Variants in HOXB2 observed in about 807,000 individuals in gnomAD.
The protein encoded by HOXB2 is homeobox protein Hox-B2.
In HOXB2, 14 loss-of-function variants were observed where a neutral mutation model predicts 13.1. The observed-to-expected ratio is 1.07, with a 90% CI of 0.71 to 1.67. HOXB2 has a LOEUF of 1.67. HOXB2 is among the 40% of genes most tolerant of loss of function. The probability of loss-of-function intolerance (pLI) is 0.00; values close to 1 mark genes in which losing one functional copy is unlikely to be tolerated. For missense variants in HOXB2, 582 were observed against 488.3 expected (o/e 1.19, Z -1.81); for synonymous variants, 261 against 233.1 (o/e 1.12, Z -1.09).
chr17:48,543,350 T>C lies in HOXB2; in HGVS notation c.789A>G (p.Leu263=). 6.3e-7 allele frequency: 1 copy of C among 1,596,646 alleles called. No homozygotes were observed. The highest frequency in any genetic ancestry group is 8.5e-7 in the Non-Finnish European group (1 of 1,175,542). ...PGALSADPRP[L]AVRLEGAGAS... ...CGCCTGCGCCCTCTAAGCGAACGGCTAAAGGCCGGGGGTCCGCGCTTAAGG... is the reference window on the plus strand; with the variant it reads ...CGCCTGCGCCCTCTAAGCGAACGGCCAAAGGCCGGGGGTCCGCGCTTAAGG... The change falls in exon 2 of 2, where the codon TTA becomes TTG. Residue 263 remains leucine, a synonymous_variant. Coordinates refer to ENST00000330070, the MANE Select transcript of HOXB2 (RefSeq NM_002145.4).
chr17:48,542,993 G>A lies in HOXB2; in HGVS notation c.*75C>T. On this transcript the variant is annotated 3_prime_UTR_variant, in exon 2 of 2. Coordinates refer to ENST00000330070, the MANE Select transcript of HOXB2 (RefSeq NM_002145.4). The stretch of plus-strand genomic sequence containing the variant: ...AAACACATAAGTCTATGCGACTGAG[G>A]GTGGGAGAGGCTCGATTTTTCCAGT... 8.4e-7 allele frequency: 1 copy of A among 1,196,324 alleles called. No homozygotes were observed. Among genetic ancestry groups the A allele is most frequent in the Non-Finnish European group, 1.2e-6 (1 of 847,612 alleles). 74.1% of individuals were successfully genotyped at this position (1,196,324 alleles called of 1,614,324 possible).
In HOXB2 at chr17:48,543,245, G is replaced by A; in HGVS notation, c.894C>T (p.Arg298=). 6.2e-7 allele frequency: 1 copy of A among 1,611,852 alleles called. No individual in the cohort carries two copies. The highest frequency in any genetic ancestry group is 1.7e-5 in the Admixed American group (1 of 59,994). ...GGTCGGGAAGGAAAGGTGAATCCTGGCGCCCCGAGAAGACGTCTTCTGGCA... is the reference window on the plus strand; with the variant it reads ...GGTCGGGAAGGAAAGGTGAATCCTGACGCCCCGAGAAGACGTCTTCTGGCA... ...GPLPEDVFSG[R]QDSPFLPDLN... is the part of the protein sequence containing the mutation. Residue 298 remains arginine (R), a synonymous_variant, in exon 2 of 2, where the codon CGC becomes CGT. Coordinates refer to ENST00000330070, the MANE Select transcript of HOXB2 (RefSeq NM_002145.4).
Position 48,543,384 on chromosome 17 carries a change from A to G in HOXB2, c.755T>C (p.Val252Ala). 6.3e-7 allele frequency: 1 copy of G among 1,586,552 alleles called. No individual in the cohort carries two copies. Among genetic ancestry groups the G allele is most frequent in the Non-Finnish European group, 8.5e-7 (1 of 1,169,910 alleles). ...GGGGTCCGCGCTTAAGGCCCCCGGC[A>G]CCACCTCCGGCGGGTGACAGCAGGC... The part of the protein sequence containing the change: ...WEACCHPPEV[V>A]PGALSADPRP... The change falls in exon 2 of 2, where the codon GTG becomes GCG. Residue 252 changes from valine to alanine, a missense_variant. Physicochemically the swap from Val to Ala is moderately conservative, Grantham distance 64 (BLOSUM62 0). Transcript: ENST00000330070.
intron 1 of HOXB2, 68 bp downstream of exon 1, chr17:48,544,453 C>A: frequency 1.3e-6 from 2 of 1,488,754 alleles, no homozygotes; most frequent in Admixed American, 2.5e-5. Flanking sequence ...TTTTTTAAAC[C>A]TCCTTCCACT....
chr17:48,544,939 C>A lies in HOXB2; in HGVS notation c.-28G>T. 3 of 414,280 alleles carry A rather than the reference C, an allele frequency of 7.2e-6. No individual in the cohort carries two copies. Among genetic ancestry groups the A allele is most frequent in the African/African-American group, 3.4e-5 (1 of 29,686 alleles). 25.7% of individuals were successfully genotyped at this position (414,280 alleles called of 1,614,324 possible). On this transcript the variant is annotated 5_prime_UTR_variant, in exon 1 of 2. Coordinates refer to ENST00000330070, the MANE Select transcript of HOXB2 (RefSeq NM_002145.4). ...CTTTCAATGGTGGGGGAGGGGGCTG[C>A]TGGGGGGGGCGTCAGGAGGGAGGAT...
At chr17:48,543,855 A>AGGG in intron 1 of HOXB2, 108 bp from the exon 2 acceptor site, 1 of 604,986 alleles carries the variant, frequency 1.7e-6, no homozygotes, top group Non-Finnish European at 2.6e-6. Context: ...CTTCCTCGCC[A>AGGG]CCCCACCCCC....
At chr17:48,543,930 A>G in intron 1 of HOXB2, 183 bp from the exon 2 acceptor site, 1 of 1,371,856 alleles carries the variant, frequency 7.3e-7, no homozygotes, top group Non-Finnish European at 9.3e-7. Flanking sequence ...TCTAGTCTAC[A>G]GCCCCGGCCC....
Position 48,543,314 on chromosome 17 carries a change from G to A in HOXB2, c.825C>T (p.Pro275=). ...VRLEGAGASS[P]GCALRGAGGL... ...CGCCGGCCCCGCGCAGCGCGCAGCCGGGACTCGACGCGCCTGCGCCCTCTA... is the reference window on the plus strand; with the variant it reads ...CGCCGGCCCCGCGCAGCGCGCAGCCAGGACTCGACGCGCCTGCGCCCTCTA... The change falls in exon 2 of 2, where the codon CCC becomes CCT. Residue 275 remains proline (P), a synonymous_variant. Coordinates refer to ENST00000330070, the MANE Select transcript of HOXB2 (RefSeq NM_002145.4). The A allele has an allele frequency of 6.2e-7, 1 of 1,600,530 alleles. No individual in the cohort carries two copies. The highest frequency in any genetic ancestry group is 8.5e-7 in the Non-Finnish European group (1 of 1,177,404).
chr17:48,543,711 G>C lies in HOXB2; in HGVS notation c.428C>G (p.Ala143Gly). The change falls in exon 2 of 2, where the codon GCG becomes GGG. Residue 143 changes from alanine (A) to glycine (G), a missense_variant. Ala to Gly is a moderately conservative substitution (Grantham distance 60, BLOSUM62 0). Coordinates refer to ENST00000330070, the MANE Select transcript of HOXB2 (RefSeq NM_002145.4). ...LGLPEAGGGG[A>G]RRLRTAYTNT... ...GGTGTAAGCCGTGCGCAGCCTGCGCGCCCCGCCGCCACCAGCCTCCGGCAG... is the reference window on the plus strand; with the variant it reads ...GGTGTAAGCCGTGCGCAGCCTGCGCCCCCCGCCGCCACCAGCCTCCGGCAG... 6.2e-7 allele frequency: 1 copy of C among 1,607,918 alleles called. No individual in the cohort carries two copies.
intron 1 of HOXB2, 39 bp from the exon 2 acceptor site, chr17:48,543,786 TA>T: frequency 6.5e-7 from 1 of 1,549,442 alleles, no homozygotes; most frequent in Non-Finnish European, 8.7e-7. Flanking sequence ...GCGGGCCGTG[TA>T]CTCAGCCCAA....
intron 1 of HOXB2, chr17:48,544,118 C>T (rs1043403922): frequency 1.1e-4 from 106 of 985,342 alleles, no homozygotes; most frequent in South Asian, 1.9e-4. Flanking sequence ...CCCTCTTCCT[C>T]CCTAGCTCTG....
chr17:48,544,646 G>C lies in HOXB2; in HGVS notation c.266C>G (p.Ala89Gly), dbSNP rs771203953. 2 of 1,612,002 alleles carry C rather than the reference G, an allele frequency of 1.2e-6. No individual in the cohort carries two copies. The highest frequency in any genetic ancestry group is 1.3e-5 in the African/African-American group (1 of 74,892). Residue 89 changes from alanine to glycine, a missense_variant, in exon 1 of 2, where the codon GCC becomes GGC. Physicochemically the swap from Ala to Gly is moderately conservative, Grantham distance 60. Coordinates refer to ENST00000330070, the MANE Select transcript of HOXB2 (RefSeq NM_002145.4). ...PPPPPPPLPA[A>G]PPAPEFPWMK... is the part of the protein sequence containing the mutation. ...CCAAGGGAACTCGGGGGCCGGGGGG[G>C]CAGCGGGGAGTGGCGGCGGCGGTGG... is the stretch of plus-strand genomic sequence containing the variant.
Position 48,545,060 on chromosome 17 carries a change from C to G in HOXB2, c.-149G>C, listed in dbSNP as rs760442320. On this transcript the variant is annotated 5_prime_UTR_variant, in exon 1 of 2. Coordinates refer to ENST00000330070, the MANE Select transcript of HOXB2 (RefSeq NM_002145.4). ...GTCTCTCTTTTTTTTAATTTTGGGC[C>G]TTTATAATTGTATATTGCTGATAAA... 3.1e-6 allele frequency: 2 copies of G among 653,652 alleles called. No individual in the cohort carries two copies. The highest frequency in any genetic ancestry group is 5.1e-6 in the Non-Finnish European group (2 of 395,728). 40.5% of individuals were successfully genotyped at this position (653,652 alleles called of 1,614,324 possible).
chr17:48,544,546 C>T lies in HOXB2; in HGVS notation c.366G>A (p.Pro122=). 1 of 1,606,156 alleles carries T rather than the reference C, an allele frequency of 6.2e-7. No homozygotes were observed. The highest frequency in any genetic ancestry group is 8.5e-7 in the Non-Finnish European group (1 of 1,179,810). Residue 122 remains proline, a synonymous_variant, in exon 1 of 2, where the codon CCG becomes CCA. Transcript: ENST00000330070. The part of the protein sequence containing the change: ...TSPSPAASAV[P]ASGVGSPADG... ...CTGCAGGCGATCCGACCCCGGAGGC[C>T]GGAACGGCGGAGGCGGCCGGAGAAG... is the stretch of plus-strand genomic sequence containing the variant.
rs1290841645 is a variant in HOXB2 at position 48,543,004 on chromosome 17, C to A, written c.*64G>T. On this transcript the variant is annotated 3_prime_UTR_variant, in exon 2 of 2. Transcript: ENST00000330070. ...TCTATGCGACTGAGGGTGGGAGAGGCTCGATTTTTCCAGTAGACGGCCAAG... is the reference window on the plus strand; with the variant it reads ...TCTATGCGACTGAGGGTGGGAGAGGATCGATTTTTCCAGTAGACGGCCAAG... 1.4e-6 allele frequency: 2 copies of A among 1,387,188 alleles called. No individual in the cohort carries two copies. The highest frequency in any genetic ancestry group is 1.9e-4 in the Middle Eastern group (1 of 5,308). 85.9% of individuals were successfully genotyped at this position (1,387,188 alleles called of 1,614,324 possible).
In HOXB2 at chr17:48,544,940, T is replaced by TGGGGGGGGGGGGGGGTGGGGGGGGGG; in HGVS notation, c.-30_-29insCCCCCCCCCCACCCCCCCCCCCCCCC. ...TTTCAATGGTGGGGGAGGGGGCTGC[T>TGGGGGGGGGGGGGGGTGGGGGGGGGG]GGGGGGGGCGTCAGGAGGGAGGATC... is the stretch of plus-strand genomic sequence containing the variant. On this transcript the variant is annotated 5_prime_UTR_variant, in exon 1 of 2. Transcript: ENST00000330070. 1 of 271,684 alleles carries TGGGGGGGGGGGGGGGTGGGGGGGGGG rather than the reference T, an allele frequency of 3.7e-6. No individual in the cohort carries two copies. The highest frequency in any genetic ancestry group is 5.9e-6 in the Non-Finnish European group (1 of 170,484). 16.8% of individuals were successfully genotyped at this position (271,684 alleles called of 1,614,324 possible).
At chr17:48,544,206 A>G (rs1367246113) in intron 1 of HOXB2, 2 of 1,274,398 alleles carry the variant, frequency 1.6e-6, no homozygotes, top group Non-Finnish European at 2.0e-6. Flanking sequence ...CAGCAACAAC[A>G]TACTCATTCC....
chr17:48,544,857 C>T lies in HOXB2; in HGVS notation c.55G>A (p.Ala19Thr). 3.7e-6 allele frequency: 6 copies of T among 1,611,484 alleles called. No individual in the cohort carries two copies. The highest frequency in any genetic ancestry group is 3.3e-5 in the South Asian group (3 of 91,002). The stretch of plus-strand genomic sequence containing the variant: ...GCGGGGAAGGAAGTCAGACACTCGG[C>T]GAGCGACGGCTGGCTGTTTATAAAC... ...IGFINSQPSL[A>T]ECLTSFPAVL... Residue 19 changes from alanine to threonine, a missense_variant, in exon 1 of 2, where the codon GCC becomes ACC. Coordinates refer to ENST00000330070, the MANE Select transcript of HOXB2 (RefSeq NM_002145.4).
At position 48,543,801 on chromosome 17, in the gene HOXB2, C is replaced by G. The variant is rs2068533313; in HGVS notation, c.392-54G>C. On this transcript the variant is annotated intron_variant, in intron 1 of 1. Transcript: ENST00000330070. Reference sequence around the variant, plus strand: ...GCGGGCCGTGTACTCAGCCCAACCTCAGTTCGGACTACCCCATCCTCCAAA... The same window carrying G: ...GCGGGCCGTGTACTCAGCCCAACCTGAGTTCGGACTACCCCATCCTCCAAA... 9.8e-6 allele frequency: 15 copies of G among 1,523,980 alleles called. 1 individual carries two copies. In the South Asian group the frequency reaches 1.9e-4, roughly 19 times the overall value. The allele number at this position is 1,523,980 out of a possible 1,614,324, so 94.4% of individuals were successfully genotyped here.
Sources: gnomAD v4.1 joint callset for allele counts on GRCh38, gnomAD v4.1.1 for gene constraint, MANE v1.5 for transcripts, NCBI Gene and HGNC (gene_info 2026-07-23, HGNC 2026-07-21) for gene names.